LRRC4C: variants seen among roughly 807,000 people sequenced by gnomAD.
The protein encoded by LRRC4C is leucine rich repeat containing 4C, also known as leucine-rich repeat-containing protein 4C.
In LRRC4C, 5 loss-of-function variants were observed where a neutral mutation model predicts 33.6. The observed-to-expected ratio is 0.15, with a 90% CI of 0.08 to 0.31. The LOEUF is 0.31. LRRC4C is among the 10% of genes least tolerant of loss of function. The pLI is 1.00. For missense variants in LRRC4C, 560 were observed against 796.7 expected, an observed-to-expected ratio of 0.70 and a Z score of 3.58; for synonymous variants, 329 against 302.0, an observed-to-expected ratio of 1.09 and a Z score of -0.93.
At chr11:41,315,404 T>A (rs934993826) in intron 1 of LRRC4C, among the ~76,000 whole-genome samples, 4 of 152,220 alleles carry the variant, frequency 2.6e-5, no homozygotes, top group African/African-American at 9.6e-5. Flanking sequence ...GCAACTTTTA[T>A]TTTGCTTGCT....
At chr11:41,301,163 T>G (rs1204571845) in intron 1 of LRRC4C, among the ~76,000 whole-genome samples, 5 of 152,172 alleles carry the variant, frequency 3.3e-5, no homozygotes, top group Non-Finnish European at 5.9e-5. Flanking sequence ...TGTGCTTTAG[T>G]AAGGATATGC....
chr11:40,687,931 A>G (rs1199186672), intron 2 of LRRC4C, among the ~76,000 whole-genome samples: 2 of 152,116 alleles, frequency 1.3e-5, no homozygotes, highest in African/African-American at 4.8e-5. Flanking sequence ...TCATTATCTT[A>G]TTATAATAAA....
intron 6 of LRRC4C, among the ~76,000 whole-genome samples, chr11:40,126,772 C>T (rs1209939954): frequency 1.3e-5 from 2 of 151,652 alleles, no homozygotes; most frequent in Admixed American, 6.6e-5. Flanking sequence ...ACCAGCCTGA[C>T]CAACATGGAG....
chr11:40,661,650 A>G (rs1943445144), intron 2 of LRRC4C, among the ~76,000 whole-genome samples: 1 of 152,202 alleles, frequency 6.6e-6, no homozygotes, highest in Non-Finnish European at 1.5e-5. Flanking sequence ...TCAATATTAA[A>G]TAAGATAACC....
intron 5 of LRRC4C, among the ~76,000 whole-genome samples, chr11:40,218,630 G>C (rs77857445): frequency 0.87 from 121,040 of 139,480 alleles, 52,573 homozygotes; most frequent in East Asian, 0.96. Flanking sequence ...ATGTATGTAT[G>C]TATGTATCTA....
intron 1 of LRRC4C, among the ~76,000 whole-genome samples, chr11:41,098,366 A>T (rs1337933152): frequency 6.6e-6 from 1 of 152,144 alleles, no homozygotes; most frequent in African/African-American, 2.4e-5. Context: ...TTTTTAAATT[A>T]TTGTAATCTA....
intron 1 of LRRC4C, among the ~76,000 whole-genome samples, chr11:41,325,577 T>TTGTGTGTGTG (rs71466928): frequency 3.8e-5 from 4 of 104,160 alleles, no homozygotes; most frequent in African/African-American, 1.4e-4. Context: ...TTTTTTTTTT[T>TTGTGTGTGTG]TGTGTGTGTG....
chr11:41,020,881 C>T (rs187273582), intron 1 of LRRC4C, among the ~76,000 whole-genome samples: 288 of 152,106 alleles, frequency 1.9e-3, no homozygotes, highest in Non-Finnish European at 3.2e-3. Flanking sequence ...TTTCCTCTTC[C>T]GGGAATATTC....
intron 4 of LRRC4C, among the ~76,000 whole-genome samples, chr11:40,273,803 A>C (rs1320975513): frequency 6.6e-6 from 1 of 152,170 alleles, no homozygotes; most frequent in Non-Finnish European, 1.5e-5. Flanking sequence ...AGATATGATT[A>C]TTGGAAACAG....
chr11:40,844,828 G>T (rs984889487), intron 2 of LRRC4C, among the ~76,000 whole-genome samples: 4 of 152,154 alleles, frequency 2.6e-5, no homozygotes, highest in Non-Finnish European at 5.9e-5. Context: ...ACATTGCTAA[G>T]AGAGAAGATT....
chr11:40,933,368 A>G (rs1957721126), intron 2 of LRRC4C, among the ~76,000 whole-genome samples: 1 of 152,254 alleles, frequency 6.6e-6, no homozygotes, highest in Non-Finnish European at 1.5e-5. Context: ...CATGCCATGT[A>G]TCCAGCAATT....
intron 2 of LRRC4C, among the ~76,000 whole-genome samples, chr11:40,811,082 T>G (rs1951468139): frequency 6.6e-6 from 1 of 152,180 alleles, no homozygotes; most frequent in African/African-American, 2.4e-5. Context: ...AGCATGGCAC[T>G]TTGATTCTCT....
intron 3 of LRRC4C, among the ~76,000 whole-genome samples, chr11:40,554,191 T>C (rs1042545205): frequency 6.6e-6 from 1 of 152,166 alleles, no homozygotes; most frequent in Non-Finnish European, 1.5e-5. Context: ...ACCTCTTGAA[T>C]AGAAGGTCCT....
At position 40,488,866 on chromosome 11, in the gene LRRC4C, A is replaced by C. The variant is rs184181555; in HGVS notation, c.-270+159276T>G. 3.3e-5 allele frequency among the ~76,000 whole-genome samples: 5 copies of C among 152,160 alleles called. No individual in the cohort carries two copies. The East Asian group carries it at 9.7e-4, about 29-fold the overall frequency. On this transcript the variant is annotated intron_variant, in intron 3 of 6. Transcript: ENST00000528697. ...CATATCTACTTTAACTTCTGTTTTT[A>C]ATTTTCCCCAGTGAATGATCTTATG...
chr11:40,778,881 C>T (rs1272510748), intron 2 of LRRC4C, among the ~76,000 whole-genome samples: 2 of 152,122 alleles, frequency 1.3e-5, no homozygotes, highest in African/African-American at 4.8e-5. Flanking sequence ...AGATTGGAGA[C>T]TGAAGGAAAA....
intron 3 of LRRC4C, among the ~76,000 whole-genome samples, chr11:40,428,090 A>T (rs1950783087): frequency 6.6e-6 from 1 of 152,148 alleles, no homozygotes; most frequent in Non-Finnish European, 1.5e-5. Context: ...TCAAGTTAAT[A>T]TCTGTATAAC....
chr11:41,078,746 C>G (rs560003445), intron 1 of LRRC4C, among the ~76,000 whole-genome samples: 235 of 152,270 alleles, frequency 1.5e-3, no homozygotes, highest in Non-Finnish European at 2.9e-3. Flanking sequence ...AGAGCCAAAC[C>G]ATATCATCAG....
rs569556467 is a variant in LRRC4C, at chr11:40,862,664, A to T, written c.-407+70971T>A. ...TCTGAGAGATAGTTCTCTATATTAC[A>T]AATTGGTTGGGAATACAAGGACATC... On this transcript the variant is annotated intron_variant, in intron 2 of 6. Transcript: ENST00000528697. Among the ~76,000 whole-genome samples, 40 of 152,270 alleles carry T rather than the reference A, an allele frequency of 2.6e-4. No individual in the cohort carries two copies. The South Asian group carries it at 8.1e-3, about 31-fold the overall frequency.
chr11:41,412,888 C>A (rs1954540748), intron 1 of LRRC4C, among the ~76,000 whole-genome samples: 1 of 152,144 alleles, frequency 6.6e-6, no homozygotes, highest in Non-Finnish European at 1.5e-5. Flanking sequence ...GCACAATCTG[C>A]CCCTAACAGC....
Sources: allele counts gnomAD v4.1 joint callset (sites outside exome capture counted in the v4.1 genomes callset), GRCh38; gene constraint gnomAD v4.1.1; transcripts MANE v1.5; gene names NCBI Gene and HGNC (gene_info 2026-07-23, HGNC 2026-07-21).